The following GABRG3 variants were observed in gnomAD, a reference collection of about 807,000 sequenced individuals.
The protein encoded by GABRG3 is gamma-aminobutyric acid type A receptor subunit gamma3, also known as gamma-aminobutyric acid receptor subunit gamma-3.
A neutral mutation model predicts 48.8 loss-of-function variants in GABRG3; 25 were observed. That is an observed-to-expected ratio of 0.51 (90% CI 0.37 to 0.72). GABRG3 has a LOEUF of 0.72. GABRG3 is among the 30% of genes least tolerant of loss of function. GABRG3 has a pLI of 0.00. For missense variants in GABRG3, 394 were observed against 577.9 expected (o/e 0.68, Z 3.26); for synonymous variants, 227 against 217.6 (o/e 1.04, Z -0.38).
intron 3 of GABRG3, among the ~76,000 whole-genome samples, chr15:27,247,784 G>A (rs961139892): frequency 6.6e-6 from 1 of 152,184 alleles, no homozygotes; most frequent in Non-Finnish European, 1.5e-5. Flanking sequence ...TGAGAGCAAA[G>A]TAAAACAAGA....
chr15:27,076,992 T>A (rs1182743766), intron 3 of GABRG3, among the ~76,000 whole-genome samples: 1 of 152,238 alleles, frequency 6.6e-6, no homozygotes, highest in Non-Finnish European at 1.5e-5. Context: ...TTCTGAGCAT[T>A]CAGGTGACCT....
At position 27,307,761 on chromosome 15, in the gene GABRG3, A is replaced by ATTTATATAT. The variant is rs1415175366; in HGVS notation, c.271-19048_271-19047insTTTATATAT. ...ATCATAGGTTTATATATAAACATAT[A>ATTTATATAT]AAATAAACATATGTTTATATATAAA... On this transcript the variant is annotated intron_variant, in intron 3 of 9. Transcript: ENST00000615808. Among the ~76,000 whole-genome samples, 330 of 115,070 alleles carry ATTTATATAT rather than the reference A, an allele frequency of 2.9e-3. 7 individuals carry two copies. The East Asian group carries it at 0.031, about 11-fold the overall frequency. 75.5% of individuals were successfully genotyped at this position (115,070 alleles called of 152,430 possible). A position where few individuals can be genotyped will look rare whatever the true frequency, so the allele number is the denominator to read the frequency against.
chr15:27,233,540 C>T (rs908756923), intron 3 of GABRG3, among the ~76,000 whole-genome samples: 5 of 152,066 alleles, frequency 3.3e-5, no homozygotes, highest in African/African-American at 7.2e-5. Context: ...TCTCAGGATG[C>T]GGGCATCTCT....
chr15:27,203,275 T>TTA (rs1210231468), intron 3 of GABRG3, among the ~76,000 whole-genome samples: 3 of 152,196 alleles, frequency 2.0e-5, no homozygotes, highest in Admixed American at 2.0e-4. Context: ...TAGCTCCCAC[T>TTA]TATAAGTGAT....
chr15:26,982,111 A>C (rs1331099832), intron 2 of GABRG3, among the ~76,000 whole-genome samples: 1 of 152,200 alleles, frequency 6.6e-6, no homozygotes, highest in East Asian at 1.9e-4. Context: ...TCACAAATTC[A>C]ATTGTCACCA....
intron 3 of GABRG3, among the ~76,000 whole-genome samples, chr15:27,318,743 G>A (rs1467212987): frequency 6.6e-6 from 1 of 152,142 alleles, no homozygotes; most frequent in Non-Finnish European, 1.5e-5. Flanking sequence ...CAGGAATGGG[G>A]GCTAGTACTA....
intron 5 of GABRG3, among the ~76,000 whole-genome samples, chr15:27,433,428 C>T (rs1888514775): frequency 6.6e-6 from 1 of 152,200 alleles, no homozygotes; most frequent in African/African-American, 2.4e-5. Flanking sequence ...AGGCTGTCCA[C>T]ATTCCCCTGG....
rs536044594 is a variant in GABRG3, at chr15:27,118,043, A to T, written c.270+91222A>T. Among the ~76,000 whole-genome samples the T allele has an allele frequency of 3.0e-4, 45 of 152,038 alleles. 1 individual carries two copies. In the South Asian group the frequency reaches 4.4e-3, roughly 15 times the overall value. On this transcript the variant is annotated intron_variant, in intron 3 of 9. Coordinates refer to ENST00000615808, the MANE Select transcript of GABRG3 (RefSeq NM_033223.5). ...ACAATGGCACATTGTCCCTCTCACG[A>T]CCTCTTCTCTTAACCAGTTTCAAGG...
intron 3 of GABRG3, among the ~76,000 whole-genome samples, chr15:27,126,088 T>C (rs956085107): frequency 6.6e-6 from 1 of 152,136 alleles, no homozygotes; most frequent in African/African-American, 2.4e-5. Context: ...CACGGGGAGA[T>C]TGGAGAGACA....
At chr15:27,399,269 A>T (rs956326475) in intron 5 of GABRG3, among the ~76,000 whole-genome samples, 1 of 152,208 alleles carries the variant, frequency 6.6e-6, no homozygotes, top group African/African-American at 2.4e-5. Flanking sequence ...AAATGGAGTG[A>T]TTCAGCTAAA....
At chr15:27,010,099 C>G (rs1466079227) in intron 2 of GABRG3, among the ~76,000 whole-genome samples, 1 of 152,126 alleles carries the variant, frequency 6.6e-6, no homozygotes, top group Non-Finnish European at 1.5e-5. Flanking sequence ...CACATACTAC[C>G]AAGCCCAGCT....
intron 5 of GABRG3, among the ~76,000 whole-genome samples, chr15:27,370,086 C>G (rs1436410950): frequency 2.6e-5 from 4 of 152,172 alleles, no homozygotes; most frequent in Non-Finnish European, 5.9e-5. Context: ...TTAAAATATG[C>G]CTTTAATGGA....
chr15:27,384,956 T>C (rs1207318690), intron 5 of GABRG3, among the ~76,000 whole-genome samples: 3 of 152,186 alleles, frequency 2.0e-5, no homozygotes, highest in African/African-American at 4.8e-5. Flanking sequence ...ATCTTAGATA[T>C]TCAGTTGAAT....
At chr15:27,292,416 C>A (rs1891825268) in intron 3 of GABRG3, among the ~76,000 whole-genome samples, 1 of 150,924 alleles carries the variant, frequency 6.6e-6, no homozygotes, top group Non-Finnish European at 1.5e-5. Flanking sequence ...TACCCCAGAA[C>A]CTAAAGTATG....
chr15:27,135,088 A>G lies in GABRG3; in HGVS notation c.270+108267A>G, dbSNP rs567526300. On this transcript the variant is annotated intron_variant, in intron 3 of 9. Transcript: ENST00000615808. ...TCAGTAGTCTCTTCTGAAAACTTTT[A>G]TTCTAACATCTAATTATACTGATGA... Among the ~76,000 whole-genome samples, 22 of 152,318 alleles carry G rather than the reference A, an allele frequency of 1.4e-4. 1 individual carries two copies. The South Asian group carries it at 4.6e-3, about 32-fold the overall frequency.
chr15:27,425,465 A>G (rs76216006), intron 5 of GABRG3, among the ~76,000 whole-genome samples: 62 of 150,484 alleles, frequency 4.1e-4, no homozygotes, highest in African/African-American at 1.1e-3. Context: ...AAAAAAAAAA[A>G]ATAGGCGTGG....
chr15:27,002,916 G>A (rs964438837), intron 2 of GABRG3, among the ~76,000 whole-genome samples: 7 of 151,866 alleles, frequency 4.6e-5, no homozygotes, highest in Non-Finnish European at 8.8e-5. Flanking sequence ...AGTGAGCTAC[G>A]ATTGCATCAC....
intron 5 of GABRG3, among the ~76,000 whole-genome samples, chr15:27,381,189 G>C (rs1895764317): frequency 6.6e-6 from 1 of 152,186 alleles, no homozygotes; most frequent in African/African-American, 2.4e-5. Context: ...GAGGGGGCTG[G>C]AGTTGAGTGT....
intron 3 of GABRG3, among the ~76,000 whole-genome samples, chr15:27,194,218 T>C (rs1311927277): frequency 1.3e-5 from 2 of 152,226 alleles, no homozygotes; most frequent in African/African-American, 2.4e-5. Context: ...TGAATATAAT[T>C]ATCTTAGGTA....
Sources: gnomAD v4.1 joint callset for allele counts (sites outside exome capture counted in the v4.1 genomes callset) on GRCh38, gnomAD v4.1.1 for gene constraint, MANE v1.5 for transcripts, NCBI Gene and HGNC (gene_info 2026-07-23, HGNC 2026-07-21) for gene names.